Variants in SDR16C5 observed in about 807,000 individuals in gnomAD.
SDR16C5 encodes epidermal retinol dehydrogenase 2.
Under a neutral mutation model 27.7 loss-of-function variants are expected in SDR16C5, and 20 were observed. The observed-to-expected ratio is 0.72, with a 90% CI of 0.51 to 1.05. SDR16C5 has a LOEUF of 1.05. SDR16C5 is among the 50% of genes least tolerant of loss of function. The probability of loss-of-function intolerance (pLI) is 0.00; values close to 1 mark genes in which losing one functional copy is unlikely to be tolerated. For missense variants in SDR16C5, 374 were observed against 366.3 expected (o/e 1.02, Z -0.17); for synonymous variants, 139 against 132.3 (o/e 1.05, Z -0.35).
Position 56,301,382 on chromosome 8 carries a change from C to T in SDR16C5, c.*98G>A, listed in dbSNP as rs1464396068. The T allele has an allele frequency of 7.5e-6, 6 of 801,424 alleles. No homozygotes were observed. Among genetic ancestry groups the T allele is most frequent in the Non-Finnish European group, 1.3e-5 (6 of 457,664 alleles). 49.6% of individuals were successfully genotyped at this position (801,424 alleles called of 1,614,324 possible). On this transcript the variant is annotated 3_prime_UTR_variant, in exon 7 of 7. Transcript: ENST00000303749. ...AGAATAGGAGTGGTACTTGTGGTCT[C>T]CAGATATATTCCACTGTCAGACAAA... is the stretch of plus-strand genomic sequence containing the variant.
chr8:56,309,485 A>C (rs1814969653), intron 3 of SDR16C5: 2 of 985,364 alleles, frequency 2.0e-6, no homozygotes, highest in Non-Finnish European at 2.4e-6. Context: ...CTTTGTTTTA[A>C]ACTCATCTCT....
At chr8:56,312,075 T>C (rs1321785281) in intron 3 of SDR16C5, 82 bp downstream of exon 3, 8 of 1,227,634 alleles carry the variant, frequency 6.5e-6, no homozygotes, top group Admixed American at 1.9e-5. Context: ...TAGAGGCTAA[T>C]AATATTGTAA....
At chr8:56,318,895 A>G (rs117193615) in intron 1 of SDR16C5, among the ~76,000 whole-genome samples, 521 of 152,156 alleles carry the variant, frequency 3.4e-3, no homozygotes, top group Middle Eastern at 6.8e-3. Flanking sequence ...CTAGAGATTA[A>G]AGTTTGGGTT....
At chr8:56,309,152 G>T in intron 3 of SDR16C5, 125 bp from the exon 4 acceptor site, 4 of 881,102 alleles carry the variant, frequency 4.5e-6, no homozygotes, top group South Asian at 7.8e-5. Context: ...GAAGGTATGG[G>T]GATATAAAAA....
At chr8:56,317,104 C>A (rs879601872) in intron 1 of SDR16C5, among the ~76,000 whole-genome samples, 1 of 152,120 alleles carries the variant, frequency 6.6e-6, no homozygotes, top group Non-Finnish European at 1.5e-5. Context: ...AACCCCATGG[C>A]GGGGGTTCTC....
chr8:56,317,647 G>T (rs1815234822), intron 1 of SDR16C5, among the ~76,000 whole-genome samples: 1 of 152,160 alleles, frequency 6.6e-6, no homozygotes, highest in Admixed American at 6.5e-5. Flanking sequence ...AGTAAGGGTG[G>T]ATAGATTCAT....
intron 6 of SDR16C5, among the ~76,000 whole-genome samples, chr8:56,302,048 AC>A (rs1814770425): frequency 6.6e-6 from 1 of 152,174 alleles, no homozygotes; most frequent in South Asian, 2.1e-4. Context: ...AGCTCCTCAA[AC>A]CTTGGGCAAG....
In SDR16C5 at chr8:56,300,638, C is replaced by A. The variant is rs933328058; in HGVS notation, c.*842G>T. Reference sequence around the variant, plus strand: ...CCCATTCTGCAGGAAAATGCCTCAACCTGAATCCCAACTTGAAATACTAAG... The same window carrying A: ...CCCATTCTGCAGGAAAATGCCTCAAACTGAATCCCAACTTGAAATACTAAG... On this transcript the variant is annotated 3_prime_UTR_variant, in exon 7 of 7. Transcript: ENST00000303749. 4.6e-5 allele frequency: 7 copies of A among 152,206 alleles called. No homozygotes were observed. The highest frequency in any genetic ancestry group is 6.5e-5 in the Admixed American group (1 of 15,280). 9.4% of individuals were successfully genotyped at this position (152,206 alleles called of 1,614,324 possible).
intron 1 of SDR16C5, 45 bp from the exon 2 acceptor site, chr8:56,316,406 C>T (rs1213317439): frequency 1.5e-6 from 2 of 1,293,504 alleles, no homozygotes; most frequent in African/African-American, 2.9e-5. Context: ...TTGTCCATTT[C>T]CTCTGAGTTG....
At chr8:56,304,124 T>C (rs2129256937) in intron 6 of SDR16C5, 1 of 699,010 alleles carries the variant, frequency 1.4e-6, no homozygotes. Context: ...ATTTGGTTCA[T>C]TGCACAAAGT....
chr8:56,301,279 A>C lies in SDR16C5; in HGVS notation c.*201T>G. ...ATTTTTGGAAAAAAAAAGAAAAAGA[A>C]AAAACCAAAACTCAACCAAATAGGT... On this transcript the variant is annotated 3_prime_UTR_variant, in exon 7 of 7. Coordinates refer to ENST00000303749, the MANE Select transcript of SDR16C5 (RefSeq NM_138969.4). The C allele has an allele frequency of 2.1e-6, 1 of 469,924 alleles. No homozygotes were observed. The highest frequency in any genetic ancestry group is 3.6e-5 in the Admixed American group (1 of 28,006). 29.1% of individuals were successfully genotyped at this position (469,924 alleles called of 1,614,324 possible).
In SDR16C5 at chr8:56,313,094, A is replaced by T. The variant is rs1815091212; in HGVS notation, c.334-806T>A. ...CCTGACCTCCAGAGATCAAGTTTTG[A>T]TGTGCTTTTCCCATTTTTCTCTTCT... On this transcript the variant is annotated intron_variant, in intron 2 of 6. Transcript: ENST00000303749. Among the ~76,000 whole-genome samples, 6 of 152,114 alleles carry T rather than the reference A, an allele frequency of 3.9e-5. No individual in the cohort carries two copies. The South Asian group carries it at 1.2e-3, about 32-fold the overall frequency.
At chr8:56,312,366 T>G in intron 2 of SDR16C5, 78 bp from the exon 3 acceptor site, 1 of 1,321,706 alleles carries the variant, frequency 7.6e-7, no homozygotes. Context: ...GAGTTTTATG[T>G]TTTTTTTATC....
chr8:56,315,279 G>T (rs994991273), intron 2 of SDR16C5, among the ~76,000 whole-genome samples: 1 of 151,988 alleles, frequency 6.6e-6, no homozygotes, highest in Non-Finnish European at 1.5e-5. Flanking sequence ...TGAGGGACGG[G>T]CACGTGCCTC....
rs756956799 is a variant in SDR16C5, at chr8:56,301,441, A to G, written c.*39T>C. On this transcript the variant is annotated 3_prime_UTR_variant, in exon 7 of 7. Transcript: ENST00000303749. The stretch of plus-strand genomic sequence containing the variant: ...TCTTCATTGAAGTACGCATTATGTA[A>G]CACTGTGTATCAGATGACCTTAGCC... 7.2e-7 allele frequency: 1 copy of G among 1,396,716 alleles called. No individual in the cohort carries two copies. The highest frequency in any genetic ancestry group is 1.0e-6 in the Non-Finnish European group (1 of 981,868). The allele number at this position is 1,396,716 out of a possible 1,614,324, so 86.5% of individuals were successfully genotyped here.
chr8:56,305,252 C>G (rs1814851696), intron 6 of SDR16C5, among the ~76,000 whole-genome samples: 1 of 152,180 alleles, frequency 6.6e-6, no homozygotes, highest in Admixed American at 6.5e-5. Context: ...GATACAATAT[C>G]TATTCCAACA....
At chr8:56,314,242 A>G (rs1815130386) in intron 2 of SDR16C5, among the ~76,000 whole-genome samples, 2 of 152,070 alleles carry the variant, frequency 1.3e-5, no homozygotes. Context: ...CTTTCTATCC[A>G]GAATAAAAAG....
Position 56,301,482 on chromosome 8 carries a change from A to C in SDR16C5, c.928T>G (p.Ter310GluextTer27). The C allele has an allele frequency of 1.2e-6, 2 of 1,611,334 alleles. 1 individual carries two copies. Among genetic ancestry groups the C allele is most frequent in the South Asian group, 2.2e-5 (2 of 91,014 alleles). Residue 310 changes from the stop codon to glutamate, a stop_lost, in exon 7 of 7, where the codon TAA becomes GAA. Transcript: ENST00000303749. Reference protein sequence around the residue: ...DGFVDQKKKL* With the variant: ...DGFVDQKKKLE ...GACCTTAGCCATAGAGTTGGTCTTT[A>C]GAGCTTCTTCTTTTGGTCAACAAAG...
At chr8:56,314,573 T>G (rs1815139778) in intron 2 of SDR16C5, among the ~76,000 whole-genome samples, 1 of 152,236 alleles carries the variant, frequency 6.6e-6, no homozygotes, top group African/African-American at 2.4e-5. Context: ...TGCCAGGTGA[T>G]CAGTGCTTAA....
Sources: gnomAD v4.1 joint callset for allele counts (sites outside exome capture counted in the v4.1 genomes callset) on GRCh38, gnomAD v4.1.1 for gene constraint, MANE v1.5 for transcripts, NCBI Gene and HGNC (gene_info 2026-07-23, HGNC 2026-07-21) for gene names.